Variants in OPA1 observed in about 807,000 individuals in gnomAD.
OPA1 encodes the protein dynamin-like GTPase OPA1, mitochondrial.
OPA1 carries 59 observed loss-of-function variants against 152.9 expected under a neutral mutation model. The ratio of observed to expected loss-of-function variants is 0.39; its 90% CI spans 0.31 to 0.48. The LOEUF (loss-of-function observed/expected upper bound fraction) is 0.48, where lower values mean the gene tolerates loss of function less well. Among genes scored for constraint, OPA1 ranks in the 20% least tolerant of loss-of-function variants. The probability of loss-of-function intolerance (pLI) is 0.96; values close to 1 mark genes in which losing one functional copy is unlikely to be tolerated. For synonymous variants in OPA1, 400 were observed against 389.9 expected (o/e 1.03, Z -0.31); for missense variants, 1,008 against 1,216.8 (o/e 0.83, Z 2.55).
intron 29 of OPA1, among the ~76,000 whole-genome samples, chr3:193,669,391 A>G (rs1717421487): frequency 6.6e-6 from 1 of 152,106 alleles, no homozygotes; most frequent in Non-Finnish European, 1.5e-5. Flanking sequence ...CACCTTGGCA[A>G]TGTAGTTAAG....
intron 29 of OPA1, chr3:193,667,498 G>A (rs1305705811): frequency 1.8e-5 from 9 of 513,518 alleles, no homozygotes; most frequent in Admixed American, 4.9e-5. Flanking sequence ...GTGAAACCCC[G>A]TCTCTACTAA....
intron 14 of OPA1, 23 bp downstream of exon 14, chr3:193,643,467 T>C: frequency 6.2e-7 from 1 of 1,606,126 alleles, no homozygotes; most frequent in South Asian, 1.1e-5. Flanking sequence ...AAAACATGTA[T>C]TTTATTTTAT....
chr3:193,667,035 CTA>C (rs1182841412), intron 28 of OPA1, 133 bp from the exon 29 acceptor site: 2 of 628,836 alleles, frequency 3.2e-6, no homozygotes, highest in East Asian at 5.7e-5. Flanking sequence ...CAGAGATTTT[CTA>C]TGACTATGAA....
intron 1 of OPA1, among the ~76,000 whole-genome samples, chr3:193,593,666 C>G (rs992899705): frequency 6.6e-6 from 1 of 152,190 alleles, no homozygotes; most frequent in Admixed American, 6.5e-5. Context: ...CTTGGCCCGT[C>G]TCTATTGTCC....
intron 3 of OPA1, 147 bp downstream of exon 3, chr3:193,615,917 G>A (rs1728939758): frequency 1.6e-6 from 1 of 642,644 alleles, no homozygotes; most frequent in African/African-American, 1.8e-5. Context: ...GAAAAAATCT[G>A]TATAAAAGAA....
intron 1 of OPA1, among the ~76,000 whole-genome samples, chr3:193,604,218 C>A (rs1007514097): frequency 6.6e-6 from 1 of 152,156 alleles, no homozygotes; most frequent in African/African-American, 2.4e-5. Context: ...GCACCGTGTT[C>A]CTGATTATTA....
In OPA1 at chr3:193,638,069, A is replaced by G. The variant is rs1426709904; in HGVS notation, c.1149+4A>G. ...GATGACACGTTCTCCAGTTAAGGTA[A>G]GAACATAGGCCGTCTCAGTGAGGTT... On this transcript the variant is annotated splice_donor_region_variant and intron_variant, in intron 11 of 30. Transcript: ENST00000361510. The G allele has an allele frequency of 6.2e-7, 1 of 1,605,584 alleles. No homozygotes were observed. The highest frequency in any genetic ancestry group is 1.1e-5 in the South Asian group (1 of 90,808).
intron 29 of OPA1, among the ~76,000 whole-genome samples, chr3:193,677,806 C>T (rs1027578673): frequency 1.3e-5 from 2 of 152,200 alleles, no homozygotes; most frequent in Non-Finnish European, 2.9e-5. Context: ...AGCTAATACA[C>T]GATGTGCTCT....
At chr3:193,652,225 TACA>T (rs1712663004) in intron 21 of OPA1, among the ~76,000 whole-genome samples, 1 of 151,922 alleles carries the variant, frequency 6.6e-6, no homozygotes, top group African/African-American at 2.4e-5. Context: ...CTAATAAATA[TACA>T]AAAATTAGCC....
chr3:193,603,090 T>C (rs1577122177), intron 1 of OPA1, among the ~76,000 whole-genome samples: 1 of 152,360 alleles, frequency 6.6e-6, no homozygotes, highest in East Asian at 1.9e-4. Context: ...TAAGCCATTT[T>C]AGTAATGTCA....
chr3:193,694,461 GATAGACTATATAAGTTTAGTA>G (rs1722073556), intron 30 of OPA1, 124 bp from the exon 31 acceptor site: 1 of 152,204 alleles, frequency 6.6e-6, no homozygotes, highest in African/African-American at 2.4e-5. Flanking sequence ...TTAGGTCGGT[GATAGACTATATAAGTTTAGTA>G]AAACTAGCAA....
At chr3:193,626,340 C>T (rs1012807551) in intron 7 of OPA1, 138 bp downstream of exon 7, 1 of 691,574 alleles carries the variant, frequency 1.4e-6, no homozygotes. Flanking sequence ...AAAGATGCAT[C>T]ATATAAATAT....
intron 1 of OPA1, among the ~76,000 whole-genome samples, chr3:193,599,659 C>G (rs1726162687): frequency 6.6e-6 from 1 of 152,166 alleles, no homozygotes; most frequent in Admixed American, 6.5e-5. Flanking sequence ...GATTTACTGT[C>G]TGGCTGACCC....
intron 18 of OPA1, 62 bp from the exon 19 acceptor site, chr3:193,647,003 T>A: frequency 2.0e-6 from 2 of 1,014,602 alleles, no homozygotes; most frequent in Non-Finnish European, 3.0e-6. Flanking sequence ...GACTTGGTGG[T>A]AGTATTGTTG....
At chr3:193,623,524 AAGAG>A (rs1326681555) in intron 6 of OPA1, among the ~76,000 whole-genome samples, 1 of 152,184 alleles carries the variant, frequency 6.6e-6, no homozygotes, top group South Asian at 2.1e-4. Flanking sequence ...GATTTAAAAA[AAGAG>A]AGATGAGAGA....
At chr3:193,614,063 G>C in intron 1 of OPA1, 1 of 495,406 alleles carries the variant, frequency 2.0e-6, no homozygotes, top group Admixed American at 2.1e-5. Context: ...AAGAAGAAGA[G>C]GGTGGAGCTC....
In OPA1 at chr3:193,631,506, T is replaced by C. The variant is rs1732063195; in HGVS notation, c.790-106T>C. The C allele has an allele frequency of 1.3e-5, 10 of 743,196 alleles. No homozygotes were observed. In the South Asian group the frequency reaches 1.7e-4, roughly 13 times the overall value. The allele number at this position is 743,196 out of a possible 1,614,324, so 46.0% of individuals were successfully genotyped here. A position where few individuals can be genotyped will look rare whatever the true frequency, so the allele number is the denominator to read the frequency against. On this transcript the variant is annotated intron_variant, in intron 7 of 30. Transcript: ENST00000361510. ...AAATTACTTTGATTAAATATGCATA[T>C]AAAGTCAGTTGTTTTTAACTCTCAA...
At chr3:193,668,619 A>C in intron 29 of OPA1, 1 of 1,533,042 alleles carries the variant, frequency 6.5e-7, no homozygotes, top group Non-Finnish European at 8.8e-7. Flanking sequence ...AGCCTGCACC[A>C]GGCCACCCTC....
At chr3:193,660,190 T>C (rs1714920996) in intron 25 of OPA1, among the ~76,000 whole-genome samples, 1 of 152,184 alleles carries the variant, frequency 6.6e-6, no homozygotes, top group Non-Finnish European at 1.5e-5. Context: ...TGCCTTATTT[T>C]ATTATCTTAT....
Sources: allele counts gnomAD v4.1 joint callset (sites outside exome capture counted in the v4.1 genomes callset), GRCh38; gene constraint gnomAD v4.1.1; transcripts MANE v1.5; gene names NCBI Gene and HGNC (gene_info 2026-07-23, HGNC 2026-07-21).